Variants in C3orf49 observed in about 807,000 individuals in gnomAD.
C3orf49 encodes the protein putative uncharacterized protein C3orf49.
Under a neutral mutation model 13.3 loss-of-function variants are expected in C3orf49, and 27 were observed. The observed-to-expected ratio is 2.02, with a 90% CI of 1.49 to 2.79. C3orf49 has a LOEUF of 2.79. C3orf49 is among the 30% of genes most tolerant of loss of function. The pLI, the probability that C3orf49 is intolerant of heterozygous loss-of-function variation, is 0.00. For synonymous variants in C3orf49, 87 were observed against 47.6 expected (o/e 1.83, Z -3.40); for missense variants, 242 against 134.2 (o/e 1.80, Z -3.97).
At chr3:63,809,313 C>CA in the C3orf49 span, among the ~76,000 whole-genome samples, 2 of 152,202 alleles carry the variant, frequency 1.3e-5, no homozygotes, top group Non-Finnish European at 2.9e-5. Flanking sequence ...CAGTGAGACC[C>CA]ATGTCAGAAC....
At position 63,819,706 on chromosome 3, in the gene C3orf49, G is replaced by A. The variant is rs116561710; in HGVS notation, c.125+110G>A. ...GAATGAGGACTCTGGATGGATTGGC[G>A]GGGAGGGTACTGCGTTGGATCAAGA... On this transcript the variant is annotated intron_variant, in intron 1 of 6. Coordinates refer to ENST00000295896, the MANE Select transcript of C3orf49 (RefSeq NM_001355236.2). The A allele has an allele frequency of 4.1e-3, 2,649 of 654,052 alleles. 53 individuals are homozygous for A. Among genetic ancestry groups the A allele is most frequent in the African/African-American group, 0.026 (1,479 of 55,894 alleles). 40.5% of individuals were successfully genotyped at this position (654,052 alleles called of 1,614,324 possible).
Position 63,846,858 on chromosome 3 carries a change from T to C in C3orf49, c.*31-1506T>C, listed in dbSNP as rs377595455. Among the ~76,000 whole-genome samples, 43 of 152,304 alleles carry C rather than the reference T, an allele frequency of 2.8e-4. No homozygotes were observed. In the South Asian group the frequency reaches 8.9e-3, roughly 32 times the overall value. ...AGTACCCAACAAGTCCCGTCCGATC[T>C]ACTTATGGGTCAGGCAAAACCCAAA... On this transcript the variant is annotated intron_variant, in intron 6 of 6. Coordinates refer to ENST00000295896, the MANE Select transcript of C3orf49 (RefSeq NM_001355236.2).
At chr3:63,795,267 T>C in the C3orf49 span, among the ~76,000 whole-genome samples, 1 of 152,112 alleles carries the variant, frequency 6.6e-6, no homozygotes, top group Non-Finnish European at 1.5e-5. Flanking sequence ...TTACATGAGG[T>C]GAGCAGGAAG....
the C3orf49 span, among the ~76,000 whole-genome samples, chr3:63,783,625 C>T: frequency 1.1e-4 from 17 of 151,008 alleles, no homozygotes; most frequent in Admixed American, 7.3e-4. Flanking sequence ...GGCTGAGGCA[C>T]GAGAATGGTG....
the C3orf49 span, among the ~76,000 whole-genome samples, chr3:63,804,691 G>T: frequency 6.6e-6 from 1 of 152,048 alleles, no homozygotes; most frequent in Non-Finnish European, 1.5e-5. Context: ...ATGTTAGATT[G>T]GTGCAAATGT....
intron 3 of C3orf49, among the ~76,000 whole-genome samples, chr3:63,829,075 T>A (rs1212558034): frequency 6.6e-6 from 1 of 152,208 alleles, no homozygotes; most frequent in African/African-American, 2.4e-5. Flanking sequence ...AACATTTCCA[T>A]CTTCACAGAA....
intron 5 of C3orf49, chr3:63,835,526 G>A: frequency 1.6e-6 from 1 of 613,066 alleles, no homozygotes; most frequent in Non-Finnish European, 2.7e-6. Context: ...ACTCCATTAT[G>A]GTGAAACTTT....
chr3:63,804,248 T>G, the C3orf49 span, among the ~76,000 whole-genome samples: 10 of 152,222 alleles, frequency 6.6e-5, no homozygotes, highest in East Asian at 1.2e-3. Flanking sequence ...CCCTTTCTTA[T>G]AGTGAACAAT....
chr3:63,839,642 T>A, intron 5 of C3orf49: 1 of 1,606,502 alleles, frequency 6.2e-7, no homozygotes, highest in East Asian at 2.2e-5. Flanking sequence ...GAAACAACAG[T>A]GAAAATGAAA....
At chr3:63,819,119 AT>A (rs562905156), upstream of C3orf49, among the ~76,000 whole-genome samples, 290 of 148,654 alleles carry the variant, frequency 2.0e-3, no homozygotes, top group African/African-American at 3.8e-3. Flanking sequence ...TTGTTGTTTG[AT>A]TTTTTTTTTC....
chr3:63,796,419 C>T, the C3orf49 span, among the ~76,000 whole-genome samples: 5 of 152,250 alleles, frequency 3.3e-5, no homozygotes, highest in Non-Finnish European at 4.4e-5. Flanking sequence ...TTTAAAAGAA[C>T]CCACAAAATC....
the C3orf49 span, among the ~76,000 whole-genome samples, chr3:63,788,529 G>A: frequency 2.0e-5 from 3 of 152,098 alleles, no homozygotes; most frequent in Non-Finnish European, 4.4e-5. Flanking sequence ...AGAAAGGACA[G>A]GAAGGGGACA....
At chr3:63,801,998 C>T in the C3orf49 span, among the ~76,000 whole-genome samples, 1 of 152,208 alleles carries the variant, frequency 6.6e-6, no homozygotes. Context: ...TGGGAGAAAA[C>T]AGGAAGATGG....
chr3:63,792,133 A>C, the C3orf49 span, among the ~76,000 whole-genome samples: 1 of 152,250 alleles, frequency 6.6e-6, no homozygotes, highest in Non-Finnish European at 1.5e-5. Flanking sequence ...AAAATGATTT[A>C]GCAATGGCAT....
intron 3 of C3orf49, among the ~76,000 whole-genome samples, chr3:63,827,946 A>T (rs1013848771): frequency 3.3e-5 from 5 of 152,050 alleles, no homozygotes; most frequent in African/African-American, 1.2e-4. Context: ...GCAACAGTGG[A>T]TGGAGTTTGG....
chr3:63,843,933 GTA>G (rs1223321753), intron 5 of C3orf49, among the ~76,000 whole-genome samples: 3 of 151,754 alleles, frequency 2.0e-5, no homozygotes, highest in East Asian at 1.9e-4. Context: ...GGATGTGTGT[GTA>G]TATATATATG....
chr3:63,803,992 C>T, the C3orf49 span, among the ~76,000 whole-genome samples: 2 of 151,768 alleles, frequency 1.3e-5, no homozygotes, highest in Non-Finnish European at 2.9e-5. Context: ...ATTAGGTTCT[C>T]ATAAGGAGAA....
intron 5 of C3orf49, among the ~76,000 whole-genome samples, chr3:63,843,660 G>C (rs916295069): frequency 7.2e-5 from 11 of 152,110 alleles, no homozygotes; most frequent in African/African-American, 2.7e-4. Context: ...CAGCACTTTG[G>C]GAGGCCAAGG....
the C3orf49 span, chr3:63,785,986 T>A: frequency 1.4e-3 from 214 of 152,306 alleles, no homozygotes; most frequent in African/African-American, 4.8e-3. Context: ...CCTTCTAGAT[T>A]CACTTTCAAA....
Sources: allele counts gnomAD v4.1 joint callset (sites outside exome capture counted in the v4.1 genomes callset), GRCh38; gene constraint gnomAD v4.1.1; transcripts MANE v1.5; gene names NCBI Gene and HGNC (gene_info 2026-07-23, HGNC 2026-07-21).